Variants in SHOC1 observed in about 807,000 individuals in gnomAD.
SHOC1 encodes protein shortage in chiasmata 1 ortholog.
SHOC1 carries 136 observed loss-of-function variants against 179.2 expected under a neutral mutation model. That is an observed-to-expected ratio of 0.76 (90% CI 0.66 to 0.87). The LOEUF (loss-of-function observed/expected upper bound fraction) is 0.87, where lower values mean the gene tolerates loss of function less well. SHOC1 is among the 40% of genes least tolerant of loss of function. The probability of loss-of-function intolerance (pLI) is 0.00; values close to 1 mark genes in which losing one functional copy is unlikely to be tolerated. For missense variants in SHOC1, 1,538 were observed against 1,700.8 expected (o/e 0.90, Z 1.68); for synonymous variants, 489 against 586.6 (o/e 0.83, Z 2.41).
Position 111,694,219 on chromosome 9 carries a change from T to G in SHOC1, c.3315+12A>C. 6.3e-7 allele frequency: 1 copy of G among 1,591,110 alleles called. No individual in the cohort carries two copies. The highest frequency in any genetic ancestry group is 8.6e-7 in the Non-Finnish European group (1 of 1,168,728). On this transcript the variant is annotated intron_variant, in intron 25 of 27. Coordinates refer to ENST00000682961, the MANE Select transcript of SHOC1 (RefSeq NM_001378211.1). ...TTTGCAATTATCTATTTTACACATT[T>G]AGAAAATATACCTCAGATGGTGAAA...
intron 12 of SHOC1, among the ~76,000 whole-genome samples, chr9:111,737,352 A>C (rs1833852945): frequency 6.6e-6 from 1 of 152,214 alleles, no homozygotes; most frequent in Non-Finnish European, 1.5e-5. Flanking sequence ...TATGTTCATT[A>C]TCCTATAATA....
chr9:111,763,062 T>C (rs1835204877), intron 5 of SHOC1, among the ~76,000 whole-genome samples: 1 of 151,978 alleles, frequency 6.6e-6, no homozygotes, highest in African/African-American at 2.4e-5. Flanking sequence ...ATATAAATAG[T>C]AATGGCAGCT....
intron 15 of SHOC1, among the ~76,000 whole-genome samples, chr9:111,718,778 G>A (rs1454800571): frequency 1.3e-5 from 2 of 150,956 alleles, no homozygotes; most frequent in Non-Finnish European, 2.9e-5. Context: ...TTATTCAAAG[G>A]TATAACTCAA....
chr9:111,704,201 G>A (rs1832137197), intron 21 of SHOC1, among the ~76,000 whole-genome samples: 1 of 152,110 alleles, frequency 6.6e-6, no homozygotes, highest in Non-Finnish European at 1.5e-5. Flanking sequence ...TGTTGCCTTA[G>A]GCATTGTGCT....
chr9:111,759,519 C>T (rs1835043836), intron 5 of SHOC1: 1 of 1,201,712 alleles, frequency 8.3e-7, no homozygotes, highest in Admixed American at 4.1e-5. Flanking sequence ...TCTTTAGAAT[C>T]TTGGCTAGCT....
chr9:111,762,742 AT>A (rs1341333044), intron 5 of SHOC1, among the ~76,000 whole-genome samples: 6 of 152,210 alleles, frequency 3.9e-5, no homozygotes, highest in Non-Finnish European at 7.3e-5. Context: ...TGCTTCTAAT[AT>A]TTCACCATTG....
chr9:111,721,146 C>A (rs1833028098), intron 15 of SHOC1, among the ~76,000 whole-genome samples: 1 of 152,070 alleles, frequency 6.6e-6, no homozygotes, highest in Non-Finnish European at 1.5e-5. Context: ...GATAATTATC[C>A]CCCACTACTG....
chr9:111,786,632 A>G (rs776434518), intron 2 of SHOC1, among the ~76,000 whole-genome samples: 6 of 151,520 alleles, frequency 4.0e-5, no homozygotes, highest in Non-Finnish European at 8.8e-5. Context: ...TAACTGTCCC[A>G]ACATTTGAAA....
intron 5 of SHOC1, among the ~76,000 whole-genome samples, chr9:111,759,872 C>T (rs1318975729): frequency 1.3e-5 from 2 of 152,126 alleles, no homozygotes; most frequent in Non-Finnish European, 2.9e-5. Flanking sequence ...CTTAAGAGAA[C>T]TTGTGGTATG....
At chr9:111,701,812 A>C (rs1290659066) in intron 23 of SHOC1, among the ~76,000 whole-genome samples, 1 of 152,176 alleles carries the variant, frequency 6.6e-6, no homozygotes, top group Non-Finnish European at 1.5e-5. Context: ...AATTTAGTAC[A>C]GTAGTTAGAC....
intron 12 of SHOC1, among the ~76,000 whole-genome samples, chr9:111,734,481 G>T (rs2131467182): frequency 6.6e-6 from 1 of 152,264 alleles, no homozygotes; most frequent in Non-Finnish European, 1.5e-5. Context: ...GTATTTGCTT[G>T]ATATTGTCTG....
intron 4 of SHOC1, 143 bp downstream of exon 4, chr9:111,780,787 C>G (rs1451264406): frequency 1.9e-6 from 1 of 529,072 alleles, no homozygotes; most frequent in Admixed American, 3.8e-5. Context: ...CTTTGTGGTT[C>G]AAATTAGGAC....
intron 5 of SHOC1, 106 bp from the exon 6 acceptor site, chr9:111,758,954 A>C: frequency 1.1e-6 from 1 of 878,804 alleles, no homozygotes; most frequent in Non-Finnish European, 1.7e-6. Flanking sequence ...TGGGTTTTTC[A>C]ATCACATTTT....
chr9:111,712,994 T>G, intron 18 of SHOC1, 106 bp downstream of exon 18: 1 of 719,938 alleles, frequency 1.4e-6, no homozygotes, highest in African/African-American at 1.8e-5. Flanking sequence ...AGGGTGAATT[T>G]CATGCTATGT....
At chr9:111,731,779 T>C (rs908913372) in intron 12 of SHOC1, among the ~76,000 whole-genome samples, 4 of 151,966 alleles carry the variant, frequency 2.6e-5, no homozygotes, top group Non-Finnish European at 5.9e-5. Context: ...TTTATTGTGA[T>C]ATATAACTAA....
chr9:111,744,995 C>A (rs1228769862), intron 10 of SHOC1, among the ~76,000 whole-genome samples: 1 of 152,180 alleles, frequency 6.6e-6, no homozygotes. Flanking sequence ...TCAGACTATT[C>A]TGTGCAATAA....
intron 1 of SHOC1, among the ~76,000 whole-genome samples, chr9:111,794,450 G>A (rs1836556818): frequency 6.6e-6 from 1 of 152,064 alleles, no homozygotes; most frequent in African/African-American, 2.4e-5. Flanking sequence ...CAGACGTGGT[G>A]GAGGACGCCT....
At chr9:111,749,756 T>C (rs1028202532) in intron 8 of SHOC1, among the ~76,000 whole-genome samples, 1 of 152,166 alleles carries the variant, frequency 6.6e-6, no homozygotes, top group African/African-American at 2.4e-5. Context: ...CTCCCACTTA[T>C]AAGTGAGAAC....
rs1349515598 is a variant in SHOC1, at chr9:111,691,971, C to T, written c.4006G>A (p.Gly1336Ser). ...TCCGATACATCTTTATTTATGAAAC[C>T]TTTTGCTTCATGTGTTCTCCTTTTC... ...SQKRRTHEAKGFINKDVSDPI... is the reference protein window; with the variant it reads ...SQKRRTHEAKSFINKDVSDPI... The change falls in exon 27 of 28, where the codon GGT becomes AGT. Residue 1336 changes from glycine (G) to serine (S), a missense_variant. Coordinates refer to ENST00000682961, the MANE Select transcript of SHOC1 (RefSeq NM_001378211.1). The T allele has an allele frequency of 6.2e-7, 1 of 1,613,456 alleles. No homozygotes were observed. The highest frequency in any genetic ancestry group is 1.1e-5 in the South Asian group (1 of 91,030).
Sources: allele counts gnomAD v4.1 joint callset (sites outside exome capture counted in the v4.1 genomes callset), GRCh38; gene constraint gnomAD v4.1.1; transcripts MANE v1.5; gene names NCBI Gene and HGNC (gene_info 2026-07-23, HGNC 2026-07-21).